The following PHF7 variants were observed in gnomAD, a reference collection of about 807,000 sequenced individuals.
PHF7 encodes the protein PHD finger protein 7.
In PHF7, 24 loss-of-function variants were observed where a neutral mutation model predicts 47.5. That is an observed-to-expected ratio of 0.51 (90% CI 0.37 to 0.71). The LOEUF is 0.71. PHF7 is among the 30% of genes least tolerant of loss of function. The probability of loss-of-function intolerance (pLI) is 0.00; values close to 1 mark genes in which losing one functional copy is unlikely to be tolerated. For synonymous variants in PHF7, 156 were observed against 153.8 expected (o/e 1.01, Z -0.11); for missense variants, 361 against 456.8 (o/e 0.79, Z 1.91).
intron 4 of PHF7, among the ~76,000 whole-genome samples, chr3:52,418,808 ATTT>A (rs201244101): frequency 1.4e-5 from 2 of 141,526 alleles, no homozygotes; most frequent in Admixed American, 7.1e-5. Flanking sequence ...CATTACAGGA[ATTT>A]TTTTTTTTTT....
chr3:52,414,144 C>T (rs1170516551), intron 3 of PHF7, 96 bp downstream of exon 3: 4 of 790,346 alleles, frequency 5.1e-6, no homozygotes, highest in Non-Finnish European at 6.6e-6. Flanking sequence ...TTCTCTCTCT[C>T]CCAGCCCTAC....
intron 4 of PHF7, among the ~76,000 whole-genome samples, chr3:52,419,328 A>G (rs947520014): frequency 9.9e-5 from 15 of 152,040 alleles, no homozygotes. Context: ...ATGAGTTAAT[A>G]TTTGAAACCA....
At position 52,420,996 on chromosome 3, in the gene PHF7, A is replaced by G. The variant is rs748134603; in HGVS notation, c.507A>G (p.Gln169=). 10 of 1,613,672 alleles carry G rather than the reference A, an allele frequency of 6.2e-6. No homozygotes were observed. In the Admixed American group the frequency reaches 1.5e-4, roughly 24 times the overall value. Residue 169 remains glutamine (Q), a synonymous_variant, in exon 7 of 11, where the codon CAA becomes CAG. Transcript: ENST00000327906. ...SCILCCEDLS[Q]QSVENIQSPC... Reference sequence around the variant, plus strand: ...TCTTATGTTGTGAAGACTTATCCCAACAGAGTGTTGAGAACATCCAGAGCC... The same window carrying G: ...TCTTATGTTGTGAAGACTTATCCCAGCAGAGTGTTGAGAACATCCAGAGCC...
In PHF7 at chr3:52,420,865, A is replaced by G. The variant is rs553916280; in HGVS notation, c.414-38A>G. The G allele has an allele frequency of 3.4e-4, 538 of 1,577,876 alleles. 17 individuals carry two copies. In the South Asian group the frequency reaches 5.8e-3, roughly 17 times the overall value. ...AGCGGGCCATTGGGAAACTACATCAATGACAAACCAGAAACCAAGTCTGTT... is the reference window on the plus strand; with the variant it reads ...AGCGGGCCATTGGGAAACTACATCAGTGACAAACCAGAAACCAAGTCTGTT... On this transcript the variant is annotated intron_variant, in intron 6 of 10. Transcript: ENST00000327906.
At chr3:52,422,620 A>G in intron 9 of PHF7, 140 bp from the exon 10 acceptor site, 1 of 891,242 alleles carries the variant, frequency 1.1e-6, no homozygotes, top group Non-Finnish European at 1.8e-6. Context: ...GGCTTCTGGG[A>G]TCAGCACTCA....
intron 9 of PHF7, chr3:52,422,554 C>T: frequency 4.6e-6 from 3 of 656,228 alleles, no homozygotes. Context: ...AGTGGAGAGA[C>T]ATTCAGAGCC....
In PHF7 at chr3:52,420,285, A is replaced by C. The variant is rs1486102863; in HGVS notation, c.289-26A>C. ...TGTGTTTGCATTTCTTGGGGTCCTG[A>C]GCACTGTCTGGGAACTCATTTGCAG... On this transcript the variant is annotated intron_variant, in intron 5 of 10. Coordinates refer to ENST00000327906, the MANE Select transcript of PHF7 (RefSeq NM_016483.7). 3.1e-6 allele frequency: 5 copies of C among 1,613,048 alleles called. No individual in the cohort carries two copies. The East Asian group carries it at 1.1e-4, about 36-fold the overall frequency.
intron 8 of PHF7, 36 bp from the exon 9 acceptor site, chr3:52,422,186 T>C (rs764018422): frequency 6.5e-6 from 9 of 1,385,292 alleles, no homozygotes; most frequent in Middle Eastern, 3.6e-4. Context: ...CACCAACCCA[T>C]TATGTTCTTA....
chr3:52,415,959 C>T (rs1252174698), intron 4 of PHF7, among the ~76,000 whole-genome samples: 2 of 152,230 alleles, frequency 1.3e-5, no homozygotes, highest in Non-Finnish European at 2.9e-5. Context: ...GAGGTTGCCA[C>T]ATCACTGTCC....
chr3:52,413,670 A>G (rs961243854), intron 2 of PHF7, among the ~76,000 whole-genome samples: 1 of 152,178 alleles, frequency 6.6e-6, no homozygotes, highest in Non-Finnish European at 1.5e-5. Context: ...CCCCGTCTCT[A>G]CTAAAAATAT....
chr3:52,414,412 C>G, intron 3 of PHF7, 84 bp from the exon 4 acceptor site: 1 of 819,740 alleles, frequency 1.2e-6, no homozygotes, highest in Non-Finnish European at 2.1e-6. Context: ...TCCTTCCTGA[C>G]TTAGAGGAAT....
chr3:52,421,137 T>A (rs1705776967), intron 7 of PHF7, 75 bp downstream of exon 7: 1 of 1,328,578 alleles, frequency 7.5e-7, no homozygotes. Context: ...ACCCTGGGAA[T>A]GCTCAGGTGT....
In PHF7 at chr3:52,421,067, G is replaced by T. The variant is rs1481858219; in HGVS notation, c.573+5G>T. On this transcript the variant is annotated splice_donor_5th_base_variant and intron_variant, in intron 7 of 10. Transcript: ENST00000327906. ...TACCACCGCAAGTGCATACAGGTGG[G>T]GCTTTTTCCGCCCTGGGTCCCTTCC... 8.1e-6 allele frequency: 13 copies of T among 1,599,816 alleles called. No homozygotes were observed. Among genetic ancestry groups the T allele is most frequent in the Non-Finnish European group, 1.0e-5 (12 of 1,173,254 alleles).
chr3:52,420,952 G>T lies in PHF7; in HGVS notation c.463G>T (p.Val155Leu), dbSNP rs1705769366. 6.2e-7 allele frequency: 1 copy of T among 1,613,572 alleles called. No individual in the cohort carries two copies. Among genetic ancestry groups the T allele is most frequent in the African/African-American group, 1.3e-5 (1 of 74,920 alleles). The change falls in exon 7 of 11, where the codon GTG becomes TTG. Residue 155 changes from valine (V) to leucine (L), a missense_variant. Coordinates refer to ENST00000327906, the MANE Select transcript of PHF7 (RefSeq NM_016483.7). Reference protein sequence around the residue: ...RPTQNIQHGHVGEESCILCCE... With the variant: ...RPTQNIQHGHLGEESCILCCE... ...AACACAGAACATCCAACATGGGCATGTGGGGGAGGAAAGCTGCATCTTATG... is the reference window on the plus strand; with the variant it reads ...AACACAGAACATCCAACATGGGCATTTGGGGGAGGAAAGCTGCATCTTATG...
At position 52,413,030 on chromosome 3, in the gene PHF7, G is replaced by A. The variant is rs1156955386; in HGVS notation, c.41+110G>A. On this transcript the variant is annotated intron_variant, in intron 2 of 10. Coordinates refer to ENST00000327906, the MANE Select transcript of PHF7 (RefSeq NM_016483.7). ...GTCTTGGGGGTTGAGGTTGGACAGTGTGGAAGCACACACGGAGCTGGGAGC... is the reference window on the plus strand; with the variant it reads ...GTCTTGGGGGTTGAGGTTGGACAGTATGGAAGCACACACGGAGCTGGGAGC... The A allele has an allele frequency of 2.7e-5, 22 of 808,504 alleles. No individual in the cohort carries two copies. In the East Asian group the frequency reaches 5.2e-4, roughly 19 times the overall value. 50.1% of individuals were successfully genotyped at this position (808,504 alleles called of 1,614,324 possible).
chr3:52,420,186 C>A, intron 5 of PHF7, 125 bp from the exon 6 acceptor site: 1 of 1,102,152 alleles, frequency 9.1e-7, no homozygotes, highest in Non-Finnish European at 1.4e-6. Context: ...CCAGAGCATT[C>A]AGGACCACTG....
intron 3 of PHF7, 130 bp from the exon 4 acceptor site, chr3:52,414,366 C>T: frequency 1.5e-6 from 1 of 678,254 alleles, no homozygotes; most frequent in Non-Finnish European, 2.7e-6. Flanking sequence ...CCCAACCTTC[C>T]TCCTTGCCAA....
intron 7 of PHF7, 45 bp downstream of exon 7, chr3:52,421,107 T>C: frequency 2.0e-6 from 3 of 1,528,658 alleles, no homozygotes; most frequent in Non-Finnish European, 2.7e-6. Flanking sequence ...TTGCCCTAGT[T>C]CTCTGCCTGG....
rs374543030 is a variant in PHF7 at position 52,419,374 on chromosome 3, G to A, written c.187-459G>A. Among the ~76,000 whole-genome samples, 60 of 151,896 alleles carry A rather than the reference G, an allele frequency of 4.0e-4. No homozygotes were observed. The East Asian group carries it at 7.3e-3, about 19-fold the overall frequency. On this transcript the variant is annotated intron_variant, in intron 4 of 10. Transcript: ENST00000327906. ...TCAACACATGGTTGGTGCCATGTAA[G>A]CCTTCATTAAATAAATTACCCTGTC...
Sources: gnomAD v4.1 joint callset for allele counts (sites outside exome capture counted in the v4.1 genomes callset) on GRCh38, gnomAD v4.1.1 for gene constraint, MANE v1.5 for transcripts, NCBI Gene and HGNC (gene_info 2026-07-23, HGNC 2026-07-21) for gene names.